VPS35L: variants seen among roughly 807,000 people sequenced by gnomAD.
The protein encoded by VPS35L is VPS35 endosomal protein sorting factor like.
Under a neutral mutation model 133.0 loss-of-function variants are expected in VPS35L, and 83 were observed. The observed-to-expected ratio is 0.62, with a 90% CI of 0.52 to 0.75. VPS35L has a LOEUF of 0.75. Ranked by LOEUF, VPS35L falls within the 30% of genes least tolerant of loss-of-function variation. The pLI is 0.00. For missense variants in VPS35L, 1,083 were observed against 1,206.8 expected (o/e 0.90, Z 1.52); for synonymous variants, 423 against 449.9 (o/e 0.94, Z 0.76).
chr16:19,686,980 G>A (rs1040492456), intron 28 of VPS35L, among the ~76,000 whole-genome samples: 2 of 152,126 alleles, frequency 1.3e-5, no homozygotes, highest in African/African-American at 4.8e-5. Flanking sequence ...CAGCCTGGGC[G>A]ACAGAGCAAG....
rs758636685 is a variant in VPS35L at position 19,555,738 on chromosome 16, C to T, written c.9C>T (p.Val3=). 6.3e-7 allele frequency: 1 copy of T among 1,586,110 alleles called. No homozygotes were observed. Among genetic ancestry groups the T allele is most frequent in the Non-Finnish European group, 8.6e-7 (1 of 1,166,396 alleles). Residue 3 remains valine (V), a synonymous_variant, in exon 1 of 31, where the codon GTC becomes GTT. Coordinates refer to ENST00000417362, the MANE Select transcript of VPS35L (RefSeq NM_020314.7). MA[V]FPWHSRNRNY... is the part of the protein sequence containing the mutation. ...GTCATGTGACTGGGAAGATGGCCGT[C>T]TTTCCTTGGTAAGGAAGCAGCGGCG...
intron 28 of VPS35L, among the ~76,000 whole-genome samples, chr16:19,687,031 G>C (rs758364718): frequency 6.6e-6 from 1 of 152,188 alleles, no homozygotes; most frequent in South Asian, 2.1e-4. Flanking sequence ...GCAATTGCCT[G>C]TTTGTGTGTC....
chr16:19,583,871 C>T (rs1971783919), intron 7 of VPS35L, among the ~76,000 whole-genome samples: 1 of 152,148 alleles, frequency 6.6e-6, no homozygotes, highest in East Asian at 1.9e-4. Flanking sequence ...TCCCCTTGCC[C>T]CTACCCTTCC....
intron 5 of VPS35L, among the ~76,000 whole-genome samples, chr16:19,577,356 G>A (rs1971570758): frequency 6.6e-6 from 1 of 152,168 alleles, no homozygotes; most frequent in Non-Finnish European, 1.5e-5. Context: ...CTCATGGGAA[G>A]TAAGAATAAC....
At position 19,700,847 on chromosome 16, in the gene VPS35L, G is replaced by T. The variant is rs575170629; in HGVS notation, c.*371G>T. On this transcript the variant is annotated 3_prime_UTR_variant, in exon 31 of 31. Transcript: ENST00000417362. ...TTTAGAAATAAGGACTTTAAAAGTG[G>T]ACTGCTTTTCAAAGTGCCACTGTTC... 1.5e-5 allele frequency: 3 copies of T among 201,428 alleles called. No individual in the cohort carries two copies. In the Admixed American group the frequency reaches 1.6e-4, roughly 11 times the overall value. 12.5% of individuals were successfully genotyped at this position (201,428 alleles called of 1,614,324 possible).
At chr16:19,603,344 C>G (rs918370299) in intron 9 of VPS35L, among the ~76,000 whole-genome samples, 2 of 151,998 alleles carry the variant, frequency 1.3e-5, no homozygotes, top group Admixed American at 6.6e-5. Context: ...GAGATGTGGC[C>G]AGTCCAAATT....
At chr16:19,558,295 A>AC (rs904256620) in intron 1 of VPS35L, among the ~76,000 whole-genome samples, 1 of 152,230 alleles carries the variant, frequency 6.6e-6, no homozygotes, top group African/African-American at 2.4e-5. Context: ...TCTTATAACA[A>AC]CCCCATGTTG....
rs1383051403 is a variant in VPS35L at position 19,616,088 on chromosome 16, C to G, written c.1024-26C>G. 3 of 1,591,034 alleles carry G rather than the reference C, an allele frequency of 1.9e-6. No homozygotes were observed. The South Asian group carries it at 3.4e-5, about 18-fold the overall frequency. On this transcript the variant is annotated intron_variant, in intron 12 of 30. Coordinates refer to ENST00000417362, the MANE Select transcript of VPS35L (RefSeq NM_020314.7). The stretch of plus-strand genomic sequence containing the variant: ...TCATACTATAGTCATTATTTGCAAC[C>G]AGTTTTTCCATTTGTCTGGCTGCAG...
At chr16:19,685,215 C>T (rs1222320099) in intron 28 of VPS35L, among the ~76,000 whole-genome samples, 1 of 152,166 alleles carries the variant, frequency 6.6e-6, no homozygotes, top group Non-Finnish European at 1.5e-5. Flanking sequence ...ACCCTACTCT[C>T]GAAGACACAC....
In VPS35L at chr16:19,669,292, T is replaced by C; in HGVS notation, c.2354T>C (p.Ile785Thr). 1 of 1,609,896 alleles carries C rather than the reference T, an allele frequency of 6.2e-7. No homozygotes were observed. The highest frequency in any genetic ancestry group is 8.5e-7 in the Non-Finnish European group (1 of 1,176,970). ...FLCNFFSTLL[I>T]VPDHPEHGVL... ...TGCAATTTCTTTTCTACTTTATTAA[T>C]AGTTCCGGTACGTTTCCTCAGCAGA... is the stretch of plus-strand genomic sequence containing the variant. Residue 785 changes from isoleucine (I) to threonine (T), a missense_variant, in exon 27 of 31, where the codon ATA becomes ACA. Coordinates refer to ENST00000417362, the MANE Select transcript of VPS35L (RefSeq NM_020314.7).
chr16:19,640,991 A>T (rs1278416703), intron 21 of VPS35L, among the ~76,000 whole-genome samples: 1 of 152,126 alleles, frequency 6.6e-6, no homozygotes, highest in African/African-American at 2.4e-5. Context: ...CAAGCCATCC[A>T]TCCACCTCAA....
At chr16:19,576,022 C>T (rs1971523699) in intron 5 of VPS35L, among the ~76,000 whole-genome samples, 1 of 140,740 alleles carries the variant, frequency 7.1e-6, no homozygotes, top group Non-Finnish European at 1.5e-5. Flanking sequence ...AAAAATTAGC[C>T]AGGCATGGTG....
At chr16:19,666,641 C>G (rs1336918516) in intron 26 of VPS35L, among the ~76,000 whole-genome samples, 1 of 152,186 alleles carries the variant, frequency 6.6e-6, no homozygotes, top group African/African-American at 2.4e-5. Context: ...CAAAGCTGCT[C>G]TCTTTTTAAT....
At chr16:19,607,931 C>T in intron 9 of VPS35L, 2 of 446,228 alleles carry the variant, frequency 4.5e-6, no homozygotes, top group Non-Finnish European at 8.0e-6. Flanking sequence ...CTACGTACCT[C>T]AGAGGGTTGC....
chr16:19,644,351 G>T (rs557216065), intron 22 of VPS35L, among the ~76,000 whole-genome samples: 5 of 152,288 alleles, frequency 3.3e-5, no homozygotes, highest in Admixed American at 6.5e-5. Flanking sequence ...TTTCGATGGT[G>T]TATGGGTGTT....
chr16:19,573,429 G>C, intron 4 of VPS35L, 188 bp downstream of exon 4: 1 of 579,378 alleles, frequency 1.7e-6, no homozygotes, highest in Admixed American at 3.6e-5. Flanking sequence ...GTGCTGACAG[G>C]TTTCCCAAAA....
chr16:19,560,257 C>T (rs1030197492), intron 1 of VPS35L, among the ~76,000 whole-genome samples: 2 of 152,026 alleles, frequency 1.3e-5, no homozygotes, highest in South Asian at 2.1e-4. Context: ...AATGAGGAAA[C>T]GGAGGTAAAG....
intron 29 of VPS35L, among the ~76,000 whole-genome samples, chr16:19,693,077 A>C (rs1017668079): frequency 6.6e-6 from 1 of 152,228 alleles, no homozygotes; most frequent in Non-Finnish European, 1.5e-5. Flanking sequence ...ACTGTGTCCT[A>C]CTGACCCTGG....
chr16:19,583,612 CT>C (rs1251778914), intron 7 of VPS35L, among the ~76,000 whole-genome samples: 1 of 151,478 alleles, frequency 6.6e-6, no homozygotes, highest in African/African-American at 2.4e-5. Flanking sequence ...ATCCCAGTTA[CT>C]TGGGAGGCTG....
Sources: allele counts gnomAD v4.1 joint callset (sites outside exome capture counted in the v4.1 genomes callset), GRCh38; gene constraint gnomAD v4.1.1; transcripts MANE v1.5; gene names NCBI Gene and HGNC (gene_info 2026-07-23, HGNC 2026-07-21).